SLC23A2: variants seen among roughly 807,000 people sequenced by gnomAD.
The protein encoded by SLC23A2 is solute carrier family 23 member 2.
A neutral mutation model predicts 73.3 loss-of-function variants in SLC23A2; 36 were observed. The observed-to-expected ratio is 0.49, with a 90% CI of 0.38 to 0.65. The LOEUF (loss-of-function observed/expected upper bound fraction) is 0.65, where lower values mean the gene tolerates loss of function less well. Ranked by LOEUF, SLC23A2 falls within the 30% of genes least tolerant of loss-of-function variation. SLC23A2 has a pLI of 0.00. For synonymous variants in SLC23A2, 343 were observed against 327.3 expected, an observed-to-expected ratio of 1.05 and a Z score of -0.52; for missense variants, 507 against 841.6, an observed-to-expected ratio of 0.60 and a Z score of 4.92.
chr20:4,945,235 A>T (rs571480823), intron 2 of SLC23A2, among the ~76,000 whole-genome samples: 215 of 150,376 alleles, frequency 1.4e-3, no homozygotes, highest in African/African-American at 5.0e-3. Flanking sequence ...GACTGAATTT[A>T]AAAAAAAAAT....
At chr20:4,881,373 A>C (rs1930876665) in intron 9 of SLC23A2, among the ~76,000 whole-genome samples, 1 of 152,250 alleles carries the variant, frequency 6.6e-6, no homozygotes. Context: ...GAAGGGGGCC[A>C]GGATCAAGTG....
chr20:4,933,426 C>A (rs996656380), intron 2 of SLC23A2, among the ~76,000 whole-genome samples: 3 of 150,690 alleles, frequency 2.0e-5, no homozygotes, highest in Non-Finnish European at 3.0e-5. Context: ...CCAGCCTGGC[C>A]AACATAGTGA....
At chr20:4,964,340 A>G (rs1008694879) in intron 2 of SLC23A2, among the ~76,000 whole-genome samples, 1 of 152,184 alleles carries the variant, frequency 6.6e-6, no homozygotes, top group Non-Finnish European at 1.5e-5. Flanking sequence ...CAAAGGCTCT[A>G]AAAATACACA....
intron 2 of SLC23A2, among the ~76,000 whole-genome samples, chr20:4,942,374 CAA>C (rs1216270773): frequency 1.1e-3 from 54 of 47,394 alleles, no homozygotes; most frequent in African/African-American, 3.1e-3. Context: ...GCTACAGTCT[CAA>C]AAAAAAAAAA....
intron 1 of SLC23A2, among the ~76,000 whole-genome samples, chr20:4,976,807 A>G (rs1454984218): frequency 6.6e-6 from 1 of 151,926 alleles, no homozygotes; most frequent in Non-Finnish European, 1.5e-5. Context: ...CCCTGTCTCT[A>G]CTAAAAATAC....
At chr20:4,903,440 C>A (rs1311421086) in intron 4 of SLC23A2, among the ~76,000 whole-genome samples, 1 of 152,182 alleles carries the variant, frequency 6.6e-6, no homozygotes, top group African/African-American at 2.4e-5. Flanking sequence ...GGAATTTCTA[C>A]AATCATTTCT....
At chr20:4,976,044 G>C (rs987782794) in intron 1 of SLC23A2, among the ~76,000 whole-genome samples, 1 of 151,030 alleles carries the variant, frequency 6.6e-6, no homozygotes, top group Admixed American at 6.6e-5. Flanking sequence ...TAGTAGAGAC[G>C]GGGTTTCACC....
intron 9 of SLC23A2, among the ~76,000 whole-genome samples, chr20:4,875,108 C>T (rs1930603985): frequency 6.6e-6 from 1 of 152,226 alleles, no homozygotes; most frequent in Non-Finnish European, 1.5e-5. Context: ...CAAGAAACTA[C>T]TGCACGTACA....
Position 4,916,402 on chromosome 20 carries a change from C to T in SLC23A2, c.109-3424G>A, listed in dbSNP as rs185393960. 1.1e-4 allele frequency among the ~76,000 whole-genome samples: 17 copies of T among 152,300 alleles called. No individual in the cohort carries two copies. The East Asian group carries it at 3.3e-3, about 29-fold the overall frequency. On this transcript the variant is annotated intron_variant, in intron 3 of 16. Coordinates refer to ENST00000338244, the MANE Select transcript of SLC23A2 (RefSeq NM_005116.6). ...ATTTATCTCGGGTTGCTGCAGGGAA[C>T]AGCAACTTTACCAGTAAGGGGTTTC... is the stretch of plus-strand genomic sequence containing the variant.
chr20:4,967,150 G>C (rs1248303472), intron 2 of SLC23A2, among the ~76,000 whole-genome samples: 1 of 151,934 alleles, frequency 6.6e-6, no homozygotes, highest in Non-Finnish European at 1.5e-5. Flanking sequence ...CCCATCCAAA[G>C]GTAAACATTA....
intron 1 of SLC23A2, among the ~76,000 whole-genome samples, chr20:4,992,630 C>A (rs1253186649): frequency 1.3e-5 from 2 of 151,160 alleles, no homozygotes; most frequent in Non-Finnish European, 2.9e-5. Flanking sequence ...CCTCCCTCAG[C>A]CTCCCGAGTA....
intron 1 of SLC23A2, among the ~76,000 whole-genome samples, chr20:4,982,755 A>T (rs1411699836): frequency 2.6e-5 from 4 of 152,220 alleles, no homozygotes; most frequent in Admixed American, 2.6e-4. Context: ...GGGCATCAGG[A>T]CAACGTAATG....
rs1013698949 is a variant in SLC23A2 at position 4,902,014 on chromosome 20, T to C, written c.324+428A>G. Among the ~76,000 whole-genome samples the C allele has an allele frequency of 6.6e-6, 1 of 152,144 alleles. No homozygotes were observed. The highest frequency in any genetic ancestry group is 1.5e-5 in the Non-Finnish European group (1 of 68,028). On this transcript the variant is annotated intron_variant, in intron 5 of 16. Coordinates refer to ENST00000338244, the MANE Select transcript of SLC23A2 (RefSeq NM_005116.6). This position sits in a 1 kb window ranked among gnomAD's most constrained non-coding sequence, Gnocchi z 4.0. Reference sequence around the variant, plus strand: ...CTGCTGTGATGTCAACAATTCCCATTCATCATTTGTTTTTTGAGACAGGGT... The same window carrying C: ...CTGCTGTGATGTCAACAATTCCCATCCATCATTTGTTTTTTGAGACAGGGT...
At chr20:4,867,351 C>G (rs140008378) in intron 13 of SLC23A2, among the ~76,000 whole-genome samples, 1 of 152,306 alleles carries the variant, frequency 6.6e-6, no homozygotes, top group East Asian at 1.9e-4. Context: ...CACCTGATCA[C>G]CCTCTCCCCA....
intron 6 of SLC23A2, among the ~76,000 whole-genome samples, chr20:4,887,711 C>A (rs142824257): frequency 6.6e-6 from 1 of 152,232 alleles, no homozygotes; most frequent in African/African-American, 2.4e-5. Flanking sequence ...AAATAGATGA[C>A]GATAGAAAAA....
intron 6 of SLC23A2, among the ~76,000 whole-genome samples, chr20:4,893,474 G>A (rs1012215251): frequency 6.6e-5 from 10 of 152,122 alleles, no homozygotes; most frequent in East Asian, 1.9e-4. Context: ...TCTGATCACC[G>A]CATCCCTCCA....
intron 2 of SLC23A2, among the ~76,000 whole-genome samples, chr20:4,962,600 C>T (rs371656373): frequency 6.6e-6 from 1 of 152,144 alleles, no homozygotes; most frequent in African/African-American, 2.4e-5. Context: ...AGTGAGGTCC[C>T]GTGGCCGGAT....
chr20:4,979,821 C>G (rs75274754), intron 1 of SLC23A2, among the ~76,000 whole-genome samples: 1 of 151,918 alleles, frequency 6.6e-6, no homozygotes, highest in Non-Finnish European at 1.5e-5. Flanking sequence ...CCAAGAAAAA[C>G]AATCTGCAAA....
At chr20:4,943,897 C>T (rs368399648) in intron 2 of SLC23A2, among the ~76,000 whole-genome samples, 38 of 152,246 alleles carry the variant, frequency 2.5e-4, no homozygotes, top group East Asian at 2.1e-3. Flanking sequence ...GCTGCACAGA[C>T]ATTTCGTTAA....
Sources: allele counts gnomAD v4.1 joint callset (sites outside exome capture counted in the v4.1 genomes callset), GRCh38; gene constraint gnomAD v4.1.1; non-coding constraint Gnocchi (gnomAD v3.1); transcripts MANE v1.5; gene names NCBI Gene and HGNC (gene_info 2026-07-23, HGNC 2026-07-21).